Variants in ERICH3 observed in about 807,000 individuals in gnomAD.
ERICH3 encodes the protein glutamate rich 3, also known as glutamate-rich protein 3.
Under a neutral mutation model 131.1 loss-of-function variants are expected in ERICH3, and 126 were observed. The observed-to-expected ratio is 0.96, with a 90% CI of 0.83 to 1.11. The LOEUF is 1.11. Ranked by LOEUF, ERICH3 falls within the 50% of genes most tolerant of loss-of-function variation. The pLI is 0.00. For missense variants in ERICH3, 2,050 were observed against 1,810.7 expected (o/e 1.13, Z -2.40); for synonymous variants, 695 against 644.6 (o/e 1.08, Z -1.18).
intron 1 of ERICH3, 74 bp downstream of exon 1, chr1:74,673,423 A>C: frequency 6.5e-7 from 1 of 1,541,592 alleles, no homozygotes; most frequent in Non-Finnish European, 8.9e-7. Context: ...CCTCCGCAGC[A>C]GGAGGGAGGA....
At chr1:74,597,929 G>A (rs991345531) in intron 11 of ERICH3, among the ~76,000 whole-genome samples, 1 of 151,904 alleles carries the variant, frequency 6.6e-6, no homozygotes, top group Non-Finnish European at 1.5e-5. Context: ...CTGAACATCT[G>A]TTGAGTTTCC....
chr1:74,619,043 T>C (rs1334171899), intron 8 of ERICH3, among the ~76,000 whole-genome samples: 1 of 152,188 alleles, frequency 6.6e-6, no homozygotes, highest in Non-Finnish European at 1.5e-5. Context: ...ATTACTTTCC[T>C]GGCAATCAAG....
At chr1:74,626,852 A>C (rs1451930519) in intron 7 of ERICH3, among the ~76,000 whole-genome samples, 1 of 152,146 alleles carries the variant, frequency 6.6e-6, no homozygotes, top group Non-Finnish European at 1.5e-5. Context: ...GGCTCTACTG[A>C]TCATCCCCAG....
chr1:74,669,708 A>T (rs1258380649), intron 1 of ERICH3, among the ~76,000 whole-genome samples: 1 of 152,212 alleles, frequency 6.6e-6, no homozygotes, highest in Admixed American at 6.5e-5. Context: ...AGTTTTAAAA[A>T]CCATTTTTAT....
chr1:74,573,606 A>T, intron 13 of ERICH3, 115 bp from the exon 14 acceptor site: 1 of 1,212,836 alleles, frequency 8.2e-7, no homozygotes. Context: ...TGTGATATCA[A>T]GAGGCCATTG....
At chr1:74,654,862 C>T (rs765241764) in intron 1 of ERICH3, among the ~76,000 whole-genome samples, 6 of 152,140 alleles carry the variant, frequency 3.9e-5, no homozygotes, top group East Asian at 1.9e-4. Flanking sequence ...TAATATGTAA[C>T]GAATCATAGT....
intron 1 of ERICH3, among the ~76,000 whole-genome samples, chr1:74,669,264 G>T (rs921771731): frequency 3.9e-5 from 6 of 151,972 alleles, no homozygotes; most frequent in Admixed American, 3.3e-4. Flanking sequence ...AACAAAAAAT[G>T]CTTCTAAACC....
chr1:74,658,406 A>G lies in ERICH3; in HGVS notation c.24-9091T>C, dbSNP rs114331297. ...AGGAAGCAGCATTGAGCAGAGGGAG[A>G]AGTCAAATCGTACACAGACCAAACA... On this transcript the variant is annotated intron_variant, in intron 1 of 14. Transcript: ENST00000326665. Among the ~76,000 whole-genome samples, 559 of 152,234 alleles carry G rather than the reference A, an allele frequency of 3.7e-3. 4 individuals carry two copies. The highest frequency in any genetic ancestry group is 0.013 in the African/African-American group (529 of 41,544).
chr1:74,604,067 C>G (rs114229439), intron 10 of ERICH3, among the ~76,000 whole-genome samples: 1 of 151,868 alleles, frequency 6.6e-6, no homozygotes, highest in Non-Finnish European at 1.5e-5. Flanking sequence ...TCAAATCCTG[C>G]CACTCCTTTA....
At chr1:74,574,035 G>A (rs1647008774) in intron 13 of ERICH3, among the ~76,000 whole-genome samples, 1 of 149,188 alleles carries the variant, frequency 6.7e-6, no homozygotes, top group African/African-American at 2.5e-5. Flanking sequence ...GTGTCACCCA[G>A]GCTGGAGGGC....
chr1:74,669,298 T>C (rs1646720034), intron 1 of ERICH3, among the ~76,000 whole-genome samples: 1 of 123,510 alleles, frequency 8.1e-6, no homozygotes, highest in East Asian at 2.1e-4. Context: ...TCAAAACATA[T>C]GTCTTCTGCA....
At chr1:74,618,109 C>T (rs917872696) in intron 8 of ERICH3, among the ~76,000 whole-genome samples, 21 of 152,024 alleles carry the variant, frequency 1.4e-4, no homozygotes, top group Non-Finnish European at 1.5e-4. Flanking sequence ...GCTATAGTGA[C>T]TATGATTGTG....
chr1:74,609,107 A>T (rs1304834931), intron 9 of ERICH3, among the ~76,000 whole-genome samples: 1 of 152,042 alleles, frequency 6.6e-6, no homozygotes, highest in Non-Finnish European at 1.5e-5. Context: ...AGCAGTCTGC[A>T]TTCTACATGG....
intron 3 of ERICH3, among the ~76,000 whole-genome samples, chr1:74,643,788 T>G (rs566772105): frequency 7.9e-5 from 12 of 152,104 alleles, no homozygotes; most frequent in Non-Finnish European, 1.6e-4. Flanking sequence ...GGGGAGGAGC[T>G]GTAATTTCAA....
At chr1:74,617,174 CAAA>C (rs5775248) in intron 8 of ERICH3, among the ~76,000 whole-genome samples, 1 of 138,260 alleles carries the variant, frequency 7.2e-6, no homozygotes, top group African/African-American at 2.6e-5. Flanking sequence ...AAAAAACAAA[CAAA>C]AAAAAAAAAA....
intron 12 of ERICH3, chr1:74,579,610 C>G: frequency 1.0e-6 from 1 of 985,360 alleles, no homozygotes; most frequent in Non-Finnish European, 1.2e-6. Context: ...GAAAAGGCTT[C>G]ACTTGGTCGT....
intron 1 of ERICH3, among the ~76,000 whole-genome samples, chr1:74,653,909 C>T (rs1646560077): frequency 6.6e-6 from 1 of 152,146 alleles, no homozygotes; most frequent in Non-Finnish European, 1.5e-5. Context: ...TCTGGCTCCA[C>T]CATTACTGGC....
intron 13 of ERICH3, among the ~76,000 whole-genome samples, chr1:74,576,619 G>T (rs1457355610): frequency 2.0e-5 from 3 of 152,132 alleles, no homozygotes; most frequent in Non-Finnish European, 4.4e-5. Context: ...TGGCTAAGTT[G>T]TTGCTTGAAA....
At chr1:74,658,066 G>C (rs777795448) in intron 1 of ERICH3, among the ~76,000 whole-genome samples, 40 of 152,106 alleles carry the variant, frequency 2.6e-4, no homozygotes, top group Admixed American at 9.2e-4. Flanking sequence ...TTGTGAATTA[G>C]TATTATCTTC....
Sources: gnomAD v4.1 joint callset for allele counts (sites outside exome capture counted in the v4.1 genomes callset) on GRCh38, gnomAD v4.1.1 for gene constraint, MANE v1.5 for transcripts, NCBI Gene and HGNC (gene_info 2026-07-23, HGNC 2026-07-21) for gene names.